RAB6B: variants seen among roughly 807,000 people sequenced by gnomAD.
RAB6B encodes the protein ras-related protein Rab-6B.
A neutral mutation model predicts 31.2 loss-of-function variants in RAB6B; 7 were observed. That is an observed-to-expected ratio of 0.22 (90% CI 0.13 to 0.42). The LOEUF (loss-of-function observed/expected upper bound fraction) is 0.42, where lower values mean the gene tolerates loss of function less well. RAB6B is among the 10% of genes least tolerant of loss of function. The pLI, the probability that RAB6B is intolerant of heterozygous loss-of-function variation, is 1.00. For missense variants in RAB6B, 149 were observed against 280.6 expected (o/e 0.53, Z 3.35); for synonymous variants, 105 against 104.9 (o/e 1.00, Z -0.01).
chr3:133,857,319 C>A (rs1936095491), intron 2 of RAB6B, among the ~76,000 whole-genome samples: 1 of 151,426 alleles, frequency 6.6e-6, no homozygotes, highest in South Asian at 2.1e-4. Context: ...TGAATAATTT[C>A]CAGCTTAAAA....
At chr3:133,883,579 A>G (rs1559913657) in intron 1 of RAB6B, among the ~76,000 whole-genome samples, 1 of 117,788 alleles carries the variant, frequency 8.5e-6, no homozygotes, top group Non-Finnish European at 2.0e-5. Context: ...CAGCACTTCT[A>G]TGGATCTCTC....
chr3:133,887,155 T>C (rs527427544), intron 1 of RAB6B, among the ~76,000 whole-genome samples: 3 of 152,226 alleles, frequency 2.0e-5, no homozygotes, highest in Non-Finnish European at 4.4e-5. Flanking sequence ...TGGAAAGGGG[T>C]GCCCCTGGGC....
intron 1 of RAB6B, among the ~76,000 whole-genome samples, chr3:133,867,409 G>A (rs1425788696): frequency 6.6e-6 from 1 of 152,094 alleles, no homozygotes; most frequent in Non-Finnish European, 1.5e-5. Context: ...AGCAACACTG[G>A]GTACCATACC....
intron 7 of RAB6B, 127 bp from the exon 8 acceptor site, chr3:133,828,979 T>C: frequency 2.2e-6 from 2 of 894,092 alleles, no homozygotes; most frequent in South Asian, 3.6e-5. Flanking sequence ...GGCTCTTGGT[T>C]TGGCTGGGCT....
chr3:133,880,697 G>A (rs770489648), intron 1 of RAB6B, among the ~76,000 whole-genome samples: 1 of 152,290 alleles, frequency 6.6e-6, no homozygotes, highest in South Asian at 2.1e-4. Flanking sequence ...CAGCCTGCTC[G>A]CTGCTGCTCA....
intron 1 of RAB6B, among the ~76,000 whole-genome samples, chr3:133,886,182 C>T (rs1936542365): frequency 1.3e-5 from 2 of 152,222 alleles, no homozygotes; most frequent in African/African-American, 4.8e-5. Context: ...TGGTCAGGCC[C>T]TCTGCCCTCA....
In RAB6B at chr3:133,828,392, G is replaced by T; in HGVS notation, c.*396C>A. On this transcript the variant is annotated 3_prime_UTR_variant, in exon 8 of 8. Transcript: ENST00000285208. ...ATGAATGGTTCAAAGAGAACAGGAAGGAGGAGGTGTGTGGAAAAGGTTCTC... is the reference window on the plus strand; with the variant it reads ...ATGAATGGTTCAAAGAGAACAGGAATGAGGAGGTGTGTGGAAAAGGTTCTC... The T allele has an allele frequency of 2.8e-6, 1 of 355,714 alleles. No individual in the cohort carries two copies. Among genetic ancestry groups the T allele is most frequent in the Non-Finnish European group, 5.1e-6 (1 of 195,306 alleles). The allele number at this position is 355,714 out of a possible 1,614,324, so 22.0% of individuals were successfully genotyped here. A position where few individuals can be genotyped will look rare whatever the true frequency, so the allele number is the denominator to read the frequency against.
rs930343835 is a variant in RAB6B at position 133,827,972 on chromosome 3, A to G, written c.*816T>C. ...ATAAACCACGCACCACGCAGCTGCA[A>G]TTGCCAACAGCACCTCGTCCTTCTG... On this transcript the variant is annotated 3_prime_UTR_variant, in exon 8 of 8. Coordinates refer to ENST00000285208, the MANE Select transcript of RAB6B (RefSeq NM_016577.4). 14 of 702,812 alleles carry G rather than the reference A, an allele frequency of 2.0e-5. No homozygotes were observed. The highest frequency in any genetic ancestry group is 1.8e-4 in the Admixed American group (9 of 49,996). 43.5% of individuals were successfully genotyped at this position (702,812 alleles called of 1,614,324 possible). A position where few individuals can be genotyped will look rare whatever the true frequency, so the allele number is the denominator to read the frequency against.
intron 2 of RAB6B, among the ~76,000 whole-genome samples, chr3:133,849,153 C>A (rs1935944558): frequency 6.6e-6 from 1 of 152,170 alleles, no homozygotes; most frequent in African/African-American, 2.4e-5. Flanking sequence ...TCAAGATTCA[C>A]CTCCTCTACA....
intron 1 of RAB6B, among the ~76,000 whole-genome samples, chr3:133,871,654 G>A (rs1018829550): frequency 2.4e-4 from 37 of 152,208 alleles, no homozygotes; most frequent in Non-Finnish European, 4.1e-4. Flanking sequence ...TCTCCCTGTC[G>A]CCTCCACAGC....
chr3:133,873,398 A>G (rs1160626951), intron 1 of RAB6B, among the ~76,000 whole-genome samples: 1 of 151,778 alleles, frequency 6.6e-6, no homozygotes, highest in African/African-American at 2.4e-5. Context: ...AACACCCTGG[A>G]CCTCCTCCTG....
At chr3:133,873,289 G>C (rs1290393754) in intron 1 of RAB6B, among the ~76,000 whole-genome samples, 1 of 152,218 alleles carries the variant, frequency 6.6e-6, no homozygotes. Context: ...AACACTTTCA[G>C]CAGCTCTGTG....
chr3:133,841,145 G>T, intron 4 of RAB6B, 140 bp downstream of exon 4: 1 of 752,362 alleles, frequency 1.3e-6, no homozygotes, highest in South Asian at 1.7e-5. Flanking sequence ...CTGCCTTTCT[G>T]CATTCAGGGA....
Position 133,827,690 on chromosome 3 carries a change from TAGC to T in RAB6B, c.*1095_*1097del, listed in dbSNP as rs930291502. 14 of 580,104 alleles carry T rather than the reference TAGC, an allele frequency of 2.4e-5. No individual in the cohort carries two copies. The highest frequency in any genetic ancestry group is 4.3e-5 in the Non-Finnish European group (14 of 327,078). The allele number at this position is 580,104 out of a possible 1,614,324, so 35.9% of individuals were successfully genotyped here. ...TTTTCCAGAAAGCACTCAACAATAT[TAGC>T]AGCTGAGGCTCTAAGAACATGGATC... On this transcript the variant is annotated 3_prime_UTR_variant, in exon 8 of 8. Transcript: ENST00000285208.
rs764049703 is a variant in RAB6B at position 133,825,715 on chromosome 3, G to A, written c.*3073C>T. 5.9e-5 allele frequency: 9 copies of A among 152,184 alleles called. No individual in the cohort carries two copies. The highest frequency in any genetic ancestry group is 1.2e-4 in the African/African-American group (5 of 41,436). The allele number at this position is 152,184 out of a possible 1,614,324, so 9.4% of individuals were successfully genotyped here. On this transcript the variant is annotated 3_prime_UTR_variant, in exon 8 of 8. Coordinates refer to ENST00000285208, the MANE Select transcript of RAB6B (RefSeq NM_016577.4). ...AACTTTCCTGATGCCTGCAGAACAG[G>A]AGCTTTGTTGATAAGCTTTTAAGAT...
chr3:133,852,547 T>C (rs919091627), intron 2 of RAB6B, among the ~76,000 whole-genome samples: 1 of 151,040 alleles, frequency 6.6e-6, no homozygotes, highest in African/African-American at 2.4e-5. Context: ...CACAGATCCC[T>C]GTAGCCTCGA....
intron 2 of RAB6B, among the ~76,000 whole-genome samples, chr3:133,859,713 C>T (rs1420249805): frequency 2.0e-5 from 3 of 152,310 alleles, no homozygotes; most frequent in African/African-American, 7.2e-5. Context: ...AGTGACCTCT[C>T]CTGTTTGTCC....
chr3:133,854,150 C>T (rs151289644), intron 2 of RAB6B, among the ~76,000 whole-genome samples: 1 of 152,186 alleles, frequency 6.6e-6, no homozygotes, highest in Non-Finnish European at 1.5e-5. Context: ...CTTCTTTGCC[C>T]TAGGAACCTT....
At chr3:133,893,436 T>TA (rs1227431109) in intron 1 of RAB6B, among the ~76,000 whole-genome samples, 1 of 152,192 alleles carries the variant, frequency 6.6e-6, no homozygotes, top group Non-Finnish European at 1.5e-5. Context: ...GCTTCAGCTC[T>TA]CATTTCTGTG....
Sources: allele counts gnomAD v4.1 joint callset (sites outside exome capture counted in the v4.1 genomes callset), GRCh38; gene constraint gnomAD v4.1.1; transcripts MANE v1.5; gene names NCBI Gene and HGNC (gene_info 2026-07-23, HGNC 2026-07-21).